PCDH15: variants seen among roughly 807,000 people sequenced by gnomAD.
PCDH15 encodes the protein protocadherin related 15.
A neutral mutation model predicts 178.5 loss-of-function variants in PCDH15; 129 were observed. That is an observed-to-expected ratio of 0.72 (90% confidence interval 0.63 to 0.84). The LOEUF (loss-of-function observed/expected upper bound fraction) is 0.84, where lower values mean the gene tolerates loss of function less well. Ranked by LOEUF, PCDH15 falls within the 40% of genes least tolerant of loss-of-function variation. The pLI, the probability that PCDH15 is intolerant of heterozygous loss-of-function variation, is 0.00. For synonymous variants in PCDH15, 800 were observed against 732.0 expected (o/e 1.09, Z -1.50); for missense variants, 2,230 against 2,099.9 (o/e 1.06, Z -1.21).
chr10:54,305,981 G>C (rs1453923431), intron 8 of PCDH15, among the ~76,000 whole-genome samples: 1 of 151,984 alleles, frequency 6.6e-6, no homozygotes, highest in Non-Finnish European at 1.5e-5. Context: ...GACCTTACAG[G>C]TCATGGTAGA....
intron 2 of PCDH15, among the ~76,000 whole-genome samples, chr10:55,431,895 A>T (rs1382998284): frequency 6.6e-6 from 1 of 152,100 alleles, no homozygotes; most frequent in Non-Finnish European, 1.5e-5. Flanking sequence ...GGTAACCATT[A>T]TTCTATGTGT....
chr10:55,033,230 G>A (rs1840654525), intron 2 of PCDH15, among the ~76,000 whole-genome samples: 1 of 152,148 alleles, frequency 6.6e-6, no homozygotes, highest in Non-Finnish European at 1.5e-5. Context: ...CTACATCACA[G>A]ATAGCACCCA....
At chr10:55,090,574 C>T (rs922600585) in intron 2 of PCDH15, among the ~76,000 whole-genome samples, 1 of 152,118 alleles carries the variant, frequency 6.6e-6, no homozygotes, top group African/African-American at 2.4e-5. Flanking sequence ...ACTAGAACGA[C>T]TCACCTTCAA....
At chr10:53,995,441 A>C (rs1038187843) in intron 21 of PCDH15, 9 of 812,304 alleles carry the variant, frequency 1.1e-5, no homozygotes, top group Middle Eastern at 3.8e-4. Context: ...AGAAAAACAA[A>C]AAGCATATTC....
At chr10:55,563,608 G>A (rs917253632) in intron 2 of PCDH15, among the ~76,000 whole-genome samples, 3 of 151,450 alleles carry the variant, frequency 2.0e-5, no homozygotes, top group African/African-American at 7.3e-5. Context: ...AAGAAAGTAT[G>A]GCTCATTTAA....
At chr10:54,845,269 A>G (rs1445310553) in intron 3 of PCDH15, among the ~76,000 whole-genome samples, 1 of 152,034 alleles carries the variant, frequency 6.6e-6, no homozygotes, top group African/African-American at 2.4e-5. Context: ...CTGAATTGCC[A>G]CATAATACCT....
At chr10:54,546,088 G>A (rs1392176902) in intron 2 of PCDH15, among the ~76,000 whole-genome samples, 3 of 152,172 alleles carry the variant, frequency 2.0e-5, no homozygotes, top group Non-Finnish European at 4.4e-5. Context: ...TACCTATGAG[G>A]TTTCCACTAG....
At chr10:54,450,949 T>C (rs1647347952) in intron 3 of PCDH15, among the ~76,000 whole-genome samples, 1 of 151,930 alleles carries the variant, frequency 6.6e-6, no homozygotes, top group South Asian at 2.1e-4. Context: ...GAATGTTTTC[T>C]TTAGTGAATA....
At chr10:54,649,020 C>T (rs2094196184) in intron 2 of PCDH15, among the ~76,000 whole-genome samples, 1 of 152,122 alleles carries the variant, frequency 6.6e-6, no homozygotes, top group Non-Finnish European at 1.5e-5. Flanking sequence ...ACTAGCTGAA[C>T]AGTCTTCACT....
At chr10:55,063,285 T>C (rs752570102) in intron 2 of PCDH15, among the ~76,000 whole-genome samples, 6 of 152,162 alleles carry the variant, frequency 3.9e-5, no homozygotes, top group African/African-American at 9.6e-5. Context: ...TCTTAGCCAG[T>C]AAAATTTTTC....
rs535287777 is a variant in PCDH15 at position 54,458,217 on chromosome 10, T to C, written c.157+69595A>G. ...TCTATTTGTTTCTCACCAATCAATG[T>C]TGGGCATGAAGCCAGGCCCAACAGA... On this transcript the variant is annotated intron_variant, in intron 3 of 37. Coordinates refer to ENST00000644397, the MANE Select transcript of PCDH15 (RefSeq NM_001384140.1). Among the ~76,000 whole-genome samples, 3 of 152,270 alleles carry C rather than the reference T, an allele frequency of 2.0e-5. No individual in the cohort carries two copies. The South Asian group carries it at 6.2e-4, about 32-fold the overall frequency.
At chr10:54,823,782 A>T (rs1187408943) in intron 3 of PCDH15, among the ~76,000 whole-genome samples, 2 of 152,150 alleles carry the variant, frequency 1.3e-5, no homozygotes, top group African/African-American at 4.8e-5. Context: ...ATTAGAAAAA[A>T]TAATGGAAAT....
At chr10:54,275,198 A>AAT (rs758012156) in intron 8 of PCDH15, among the ~76,000 whole-genome samples, 67 of 118,844 alleles carry the variant, frequency 5.6e-4, no homozygotes, top group Admixed American at 8.5e-4. Flanking sequence ...TTAGGAAAAA[A>AAT]ATATATATAT....
At chr10:55,460,558 T>C (rs2132091999) in intron 2 of PCDH15, among the ~76,000 whole-genome samples, 1 of 152,214 alleles carries the variant, frequency 6.6e-6, no homozygotes, top group East Asian at 1.9e-4. Context: ...ATCTGGGACT[T>C]CAACTTGGGC....
At chr10:55,157,713 C>T (rs1478919827) in intron 2 of PCDH15, among the ~76,000 whole-genome samples, 1 of 151,814 alleles carries the variant, frequency 6.6e-6, no homozygotes, top group Non-Finnish European at 1.5e-5. Context: ...GGACAGAAAA[C>T]CAAACATCAC....
intron 2 of PCDH15, among the ~76,000 whole-genome samples, chr10:54,995,399 A>AAAAC (rs1435446819): frequency 2.0e-5 from 3 of 151,890 alleles, no homozygotes; most frequent in Non-Finnish European, 4.4e-5. Flanking sequence ...CTCAAAAAAA[A>AAAAC]AAAAAAAGAA....
chr10:54,992,479 G>A (rs553959093), intron 2 of PCDH15, among the ~76,000 whole-genome samples: 4 of 152,110 alleles, frequency 2.6e-5, no homozygotes, highest in Non-Finnish European at 4.4e-5. Flanking sequence ...TTGATCGGGC[G>A]CAGCGGCTGA....
At chr10:54,860,094 TG>T (rs1184287360) in intron 3 of PCDH15, among the ~76,000 whole-genome samples, 3 of 152,036 alleles carry the variant, frequency 2.0e-5, no homozygotes, top group Non-Finnish European at 4.4e-5. Flanking sequence ...TGCATGTGTG[TG>T]GGGGTGTGTT....
chr10:53,808,943 G>T (rs1490830365), intron 37 of PCDH15: 2 of 1,561,028 alleles, frequency 1.3e-6, no homozygotes, highest in Non-Finnish European at 1.7e-6. Flanking sequence ...ACAGGGGCTG[G>T]TCCACTTTCT....
Sources: allele counts gnomAD v4.1 joint callset (sites outside exome capture counted in the v4.1 genomes callset), GRCh38; gene constraint gnomAD v4.1.1; transcripts MANE v1.5; gene names NCBI Gene and HGNC (gene_info 2026-07-23, HGNC 2026-07-21).